FRMD4B: variants seen among roughly 807,000 people sequenced by gnomAD.
The protein encoded by FRMD4B is FERM domain-containing protein 4B.
A neutral mutation model predicts 141.5 loss-of-function variants in FRMD4B; 74 were observed. That is an observed-to-expected ratio of 0.52 (90% CI 0.43 to 0.63). FRMD4B has a LOEUF of 0.63. FRMD4B is among the 30% of genes least tolerant of loss of function. The probability of loss-of-function intolerance (pLI) is 0.00; values close to 1 mark genes in which losing one functional copy is unlikely to be tolerated. For synonymous variants in FRMD4B, 506 were observed against 467.9 expected (o/e 1.08, Z -1.05); for missense variants, 1,366 against 1,253.4 (o/e 1.09, Z -1.36).
At chr3:69,314,154 AAAAAAAAAAAAAAAAAAAAG>A (rs1701715380) in intron 1 of FRMD4B, among the ~76,000 whole-genome samples, 1 of 127,900 alleles carries the variant, frequency 7.8e-6, no homozygotes, top group Non-Finnish European at 1.6e-5. Flanking sequence ...AAAAAAAAAA[AAAAAAAAAAAAAAAAAAAAG>A]CCTCTCCATC....
At chr3:69,349,945 A>C (rs1329271276) in intron 1 of FRMD4B, among the ~76,000 whole-genome samples, 1 of 152,206 alleles carries the variant, frequency 6.6e-6, no homozygotes. Flanking sequence ...CACCAAAAGC[A>C]ATGGCAACAA....
chr3:69,193,626 A>G (rs1457760129), intron 17 of FRMD4B, 22 bp downstream of exon 17: 4 of 1,487,328 alleles, frequency 2.7e-6, no homozygotes, highest in South Asian at 1.2e-5. Flanking sequence ...ACTCAAAAAA[A>G]AAAACCTTAC....
At chr3:69,291,066 A>C (rs1700856906) in intron 4 of FRMD4B, among the ~76,000 whole-genome samples, 1 of 152,238 alleles carries the variant, frequency 6.6e-6, no homozygotes, top group South Asian at 2.1e-4. Flanking sequence ...CCATGGCAAA[A>C]GACTTACGTT....
At chr3:69,317,526 C>T (rs1701842725) in intron 1 of FRMD4B, among the ~76,000 whole-genome samples, 2 of 151,920 alleles carry the variant, frequency 1.3e-5, no homozygotes, top group African/African-American at 4.8e-5. Context: ...GCAGGAGGAT[C>T]ACTTGAGGTC....
intron 2 of FRMD4B, among the ~76,000 whole-genome samples, chr3:69,415,016 C>T (rs989447063): frequency 6.6e-6 from 1 of 151,956 alleles, no homozygotes; most frequent in African/African-American, 2.4e-5. Context: ...CAGGTGTGCA[C>T]CGCCACACCT....
Position 69,340,428 on chromosome 3 carries a change from C to T in FRMD4B, c.163-26911G>A, listed in dbSNP as rs138583264. On this transcript the variant is annotated intron_variant, in intron 1 of 22. Transcript: ENST00000398540. ...AGAACATATGATATTTGGTTTTCTG[C>T]GTTAATTTGCTAAGGATAATGGCCA... Among the ~76,000 whole-genome samples, 431 of 152,188 alleles carry T rather than the reference C, an allele frequency of 2.8e-3. 1 individual carries two copies. The highest frequency in any genetic ancestry group is 8.5e-3 in the African/African-American group (351 of 41,516).
chr3:69,356,952 A>G (rs1703341599), intron 1 of FRMD4B, among the ~76,000 whole-genome samples: 1 of 152,202 alleles, frequency 6.6e-6, no homozygotes, highest in Non-Finnish European at 1.5e-5. Flanking sequence ...TGATTTTTAA[A>G]CAAAACTTTA....
At chr3:69,278,605 T>C (rs1463919638) in intron 5 of FRMD4B, among the ~76,000 whole-genome samples, 5 of 9,390 alleles carry the variant, frequency 5.3e-4, no homozygotes, top group Non-Finnish European at 1.5e-3. Flanking sequence ...CCCAAATTGC[T>C]TTTTTTTTTT....
At chr3:69,203,725 T>C (rs896384882) in intron 11 of FRMD4B, among the ~76,000 whole-genome samples, 1 of 152,164 alleles carries the variant, frequency 6.6e-6, no homozygotes, top group African/African-American at 2.4e-5. Context: ...AGGGAAACTA[T>C]GTTTGTGAAG....
intron 4 of FRMD4B, among the ~76,000 whole-genome samples, chr3:69,288,121 G>A (rs1700752667): frequency 6.6e-6 from 1 of 152,246 alleles, no homozygotes; most frequent in African/African-American, 2.4e-5. Context: ...ACGTTTATCT[G>A]TGTTGCTTAT....
At chr3:69,466,511 G>C (rs1316079187) in intron 1 of FRMD4B, among the ~76,000 whole-genome samples, 1 of 152,166 alleles carries the variant, frequency 6.6e-6, no homozygotes, top group African/African-American at 2.4e-5. Context: ...TGTGATATCT[G>C]AGATGTGCTT....
At chr3:69,486,800 C>T (rs1706223240) in intron 1 of FRMD4B, among the ~76,000 whole-genome samples, 1 of 152,152 alleles carries the variant, frequency 6.6e-6, no homozygotes, top group Admixed American at 6.5e-5. Context: ...GGCAAAGTAG[C>T]AAATGTTAAG....
At chr3:69,526,216 T>C (rs1700929516) in intron 1 of FRMD4B, among the ~76,000 whole-genome samples, 1 of 152,208 alleles carries the variant, frequency 6.6e-6, no homozygotes. Context: ...TATAAATACC[T>C]TGGCTCCCTC....
intron 4 of FRMD4B, among the ~76,000 whole-genome samples, chr3:69,298,605 G>A (rs570166567): frequency 9.7e-4 from 147 of 152,226 alleles, no homozygotes; most frequent in Non-Finnish European, 1.7e-3. Context: ...TTCCTTCCAG[G>A]GGCTGGTACA....
chr3:69,481,922 A>G (rs543615009), intron 1 of FRMD4B, among the ~76,000 whole-genome samples: 1 of 152,356 alleles, frequency 6.6e-6, no homozygotes. Flanking sequence ...TTCTCAAAAG[A>G]AGGAGACACA....
At chr3:69,313,981 T>TA (rs1363978499) in intron 1 of FRMD4B, among the ~76,000 whole-genome samples, 1 of 144,470 alleles carries the variant, frequency 6.9e-6, no homozygotes, top group East Asian at 2.1e-4. Flanking sequence ...CTACTAAAAA[T>TA]ACAAAAAATT....
At chr3:69,415,996 T>A (rs1704852292) in intron 2 of FRMD4B, among the ~76,000 whole-genome samples, 1 of 152,236 alleles carries the variant, frequency 6.6e-6, no homozygotes, top group African/African-American at 2.4e-5. Context: ...CCCTGCTGAA[T>A]AAAGTGCCCT....
At chr3:69,429,531 A>G (rs1045480062) in intron 2 of FRMD4B, among the ~76,000 whole-genome samples, 5 of 152,200 alleles carry the variant, frequency 3.3e-5, no homozygotes, top group African/African-American at 1.2e-4. Context: ...AGACATCCCA[A>G]TTACCCTGAT....
chr3:69,178,206 CCTCTT>C lies in FRMD4B; in HGVS notation c.2852-1555_2852-1551del, dbSNP rs143394586. 8.7e-4 allele frequency among the ~76,000 whole-genome samples: 132 copies of C among 152,340 alleles called. 1 individual carries two copies. The highest frequency in any genetic ancestry group is 6.8e-3 in the Middle Eastern group (2 of 294). ...TCCTGTTTCTGGCTTCAGACCTACT[CCTCTT>C]CTCTCTCATACACACAAAGTGCCTG... is the stretch of plus-strand genomic sequence containing the variant. On this transcript the variant is annotated intron_variant, in intron 21 of 22. Coordinates refer to ENST00000398540, the MANE Select transcript of FRMD4B (RefSeq NM_015123.3).
Sources: gnomAD v4.1 joint callset for allele counts (sites outside exome capture counted in the v4.1 genomes callset) on GRCh38, gnomAD v4.1.1 for gene constraint, MANE v1.5 for transcripts, NCBI Gene and HGNC (gene_info 2026-07-23, HGNC 2026-07-21) for gene names.